The following NEO1 variants were observed in gnomAD, a reference collection of about 807,000 sequenced individuals.
NEO1 encodes the protein neogenin 1.
A neutral mutation model predicts 159.7 loss-of-function variants in NEO1; 63 were observed. The observed-to-expected ratio is 0.39, with a 90% CI of 0.32 to 0.49. The LOEUF (loss-of-function observed/expected upper bound fraction) is 0.49, where lower values mean the gene tolerates loss of function less well. NEO1 is among the 20% of genes least tolerant of loss of function. The probability of loss-of-function intolerance (pLI) is 0.85; values close to 1 mark genes in which losing one functional copy is unlikely to be tolerated. For synonymous variants in NEO1, 633 were observed against 662.0 expected (o/e 0.96, Z 0.67); for missense variants, 1,615 against 1,831.0 (o/e 0.88, Z 2.15).
chr15:73,093,281 C>G (rs1490557073), intron 1 of NEO1, among the ~76,000 whole-genome samples: 3 of 152,122 alleles, frequency 2.0e-5, no homozygotes, highest in African/African-American at 7.2e-5. Flanking sequence ...TCAAGTTCTC[C>G]CTGGTAAAGT....
intron 28 of NEO1, 72 bp from the exon 29 acceptor site, chr15:73,302,541 G>T: frequency 7.2e-7 from 1 of 1,396,018 alleles, no homozygotes; most frequent in South Asian, 1.2e-5. Flanking sequence ...TGAGGCTTTG[G>T]CCTCTCTCTG....
intron 23 of NEO1, among the ~76,000 whole-genome samples, 153 bp downstream of exon 23, chr15:73,283,264 C>T (rs1193916655): frequency 6.6e-6 from 1 of 152,214 alleles, no homozygotes; most frequent in African/African-American, 2.4e-5. Context: ...AGTGGTTCCT[C>T]TTATCAGTCA....
chr15:73,127,128 G>A (rs929950041), intron 4 of NEO1, among the ~76,000 whole-genome samples: 1 of 151,898 alleles, frequency 6.6e-6, no homozygotes, highest in African/African-American at 2.4e-5. Context: ...CTACTCGGGA[G>A]GCTGAGGCAG....
At chr15:73,229,025 C>A (rs925033119) in intron 7 of NEO1, among the ~76,000 whole-genome samples, 1 of 152,222 alleles carries the variant, frequency 6.6e-6, no homozygotes, top group East Asian at 1.9e-4. Context: ...AATCCTCCAA[C>A]TTTTTTTGTT....
chr15:73,067,312 G>T (rs1260406791), intron 1 of NEO1, among the ~76,000 whole-genome samples: 1 of 152,004 alleles, frequency 6.6e-6, no homozygotes, highest in Non-Finnish European at 1.5e-5. Context: ...AAATTTTCCG[G>T]GGAAATTTTT....
At chr15:73,140,831 A>G (rs1212591726) in intron 5 of NEO1, among the ~76,000 whole-genome samples, 1 of 152,244 alleles carries the variant, frequency 6.6e-6, no homozygotes, top group Non-Finnish European at 1.5e-5. Context: ...GAAGCCAGAC[A>G]CAAAAGAATA....
At chr15:73,101,903 G>A (rs764453238) in intron 1 of NEO1, among the ~76,000 whole-genome samples, 41 of 152,172 alleles carry the variant, frequency 2.7e-4, no homozygotes, top group African/African-American at 8.9e-4. Context: ...AGCTCATGTC[G>A]TCTTTATTTA....
At chr15:73,064,738 A>C (rs2068130883) in intron 1 of NEO1, among the ~76,000 whole-genome samples, 1 of 152,146 alleles carries the variant, frequency 6.6e-6, no homozygotes, top group South Asian at 2.1e-4. Flanking sequence ...AAGTGCTGGG[A>C]TTACAGATGT....
At chr15:73,301,257 G>A in intron 27 of NEO1, 64 bp from the exon 28 acceptor site, 1 of 1,604,016 alleles carries the variant, frequency 6.2e-7, no homozygotes, top group Non-Finnish European at 8.5e-7. Flanking sequence ...TGGACCTTAG[G>A]GCCTTCATGA....
At chr15:73,186,220 T>TA (rs201458117) in intron 7 of NEO1, among the ~76,000 whole-genome samples, 156 of 150,644 alleles carry the variant, frequency 1.0e-3, no homozygotes, top group African/African-American at 3.5e-3. Flanking sequence ...GTTTTTAGTT[T>TA]AAAAAAAAAT....
At position 73,288,390 on chromosome 15, in the gene NEO1, T is replaced by G; in HGVS notation, c.3488T>G (p.Leu1163Arg). Residue 1163 changes from leucine (L) to arginine (R), a missense_variant, in exon 24 of 29, where the codon CTC becomes CGC. Transcript: ENST00000261908. ...TCCAAAGATGTGAAACCTCCAGATC[T>G]CTGGATCCATCATGAGAGACTGGAG... ...GNSKDVKPPDLWIHHERLELK... is the reference protein window; with the variant it reads ...GNSKDVKPPDRWIHHERLELK... 1 of 1,614,156 alleles carries G rather than the reference T, an allele frequency of 6.2e-7. No individual in the cohort carries two copies. The highest frequency in any genetic ancestry group is 8.5e-7 in the Non-Finnish European group (1 of 1,180,026).
At chr15:73,108,885 T>C (rs1301173294) in intron 1 of NEO1, among the ~76,000 whole-genome samples, 1 of 152,128 alleles carries the variant, frequency 6.6e-6, no homozygotes, top group Non-Finnish European at 1.5e-5. Flanking sequence ...ACATGGCTTG[T>C]TCAAGAGACT....
chr15:73,217,987 G>A (rs1183519609), intron 7 of NEO1, among the ~76,000 whole-genome samples: 2 of 151,822 alleles, frequency 1.3e-5, no homozygotes, highest in South Asian at 2.1e-4. Context: ...GTGAGAGAGG[G>A]CATCCCTGTC....
chr15:73,185,101 T>TA lies in NEO1; in HGVS notation c.1291+6681dup, dbSNP rs200327556. On this transcript the variant is annotated intron_variant, in intron 7 of 28. Transcript: ENST00000261908. ...AGAAAAGGCAAAACTATGGAGTTAG[T>TA]AAAAAAATTAGTGGTTGCCAGGGTT... 8.6e-3 allele frequency among the ~76,000 whole-genome samples: 1,312 copies of TA among 152,154 alleles called. 23 individuals carry two copies. Among genetic ancestry groups the TA allele is most frequent in the African/African-American group, 0.03 (1,235 of 41,500 alleles).
chr15:73,259,479 A>T (rs932725214), intron 14 of NEO1, among the ~76,000 whole-genome samples: 1 of 147,254 alleles, frequency 6.8e-6, no homozygotes, highest in African/African-American at 2.5e-5. Flanking sequence ...CTCCCACCTC[A>T]GCCTCCTGAG....
chr15:73,138,581 C>G (rs923518696), intron 5 of NEO1, among the ~76,000 whole-genome samples: 6 of 151,944 alleles, frequency 3.9e-5, no homozygotes, highest in Non-Finnish European at 7.4e-5. Flanking sequence ...ACGGTGAAAC[C>G]CCGTCTCTAC....
In NEO1 at chr15:73,119,863, G is replaced by A. The variant is rs570130780; in HGVS notation, c.449-2662G>A. 6.6e-5 allele frequency among the ~76,000 whole-genome samples: 10 copies of A among 152,332 alleles called. No individual in the cohort carries two copies. The East Asian group carries it at 1.7e-3, about 26-fold the overall frequency. ...CTTTAAAAATACAACTGAGCTGGGCGCAGTGGCTTACGCCTATAATCCCAG... is the reference window on the plus strand; with the variant it reads ...CTTTAAAAATACAACTGAGCTGGGCACAGTGGCTTACGCCTATAATCCCAG... On this transcript the variant is annotated intron_variant, in intron 2 of 28. Coordinates refer to ENST00000261908, the MANE Select transcript of NEO1 (RefSeq NM_002499.4).
chr15:73,133,230 G>A lies in NEO1; in HGVS notation c.879-2661G>A, dbSNP rs1217328427. 2.0e-5 allele frequency among the ~76,000 whole-genome samples: 3 copies of A among 151,988 alleles called. No homozygotes were observed. The East Asian group carries it at 5.8e-4, about 29-fold the overall frequency. On this transcript the variant is annotated intron_variant, in intron 4 of 28. Transcript: ENST00000261908. The stretch of plus-strand genomic sequence containing the variant: ...ATACTACTCAGCAATAAAAAGGAAT[G>A]AAATAACACCATTCACAGCAACCTG...
At chr15:73,097,264 G>A (rs2070100873) in intron 1 of NEO1, among the ~76,000 whole-genome samples, 1 of 151,912 alleles carries the variant, frequency 6.6e-6, no homozygotes, top group Non-Finnish European at 1.5e-5. Flanking sequence ...AGCTTGTGTT[G>A]AGAAATAAAG....
Sources: allele counts gnomAD v4.1 joint callset (sites outside exome capture counted in the v4.1 genomes callset), GRCh38; gene constraint gnomAD v4.1.1; transcripts MANE v1.5; gene names NCBI Gene and HGNC (gene_info 2026-07-23, HGNC 2026-07-21).